SEMA3D: variants seen among roughly 807,000 people sequenced by gnomAD.
The protein encoded by SEMA3D is semaphorin 3D.
SEMA3D carries 84 observed loss-of-function variants against 100.1 expected under a neutral mutation model. That is an observed-to-expected ratio of 0.84 (90% CI 0.70 to 1.01). The LOEUF (loss-of-function observed/expected upper bound fraction) is 1.01. SEMA3D is among the 50% of genes least tolerant of loss of function. SEMA3D has a pLI of 0.00. For missense variants in SEMA3D, 875 were observed against 934.1 expected (o/e 0.94, Z 0.82); for synonymous variants, 312 against 320.7 (o/e 0.97, Z 0.29).
intron 7 of SEMA3D, among the ~76,000 whole-genome samples, chr7:85,067,894 C>T (rs1368509609): frequency 6.6e-6 from 1 of 151,916 alleles, no homozygotes; most frequent in Admixed American, 6.6e-5. Flanking sequence ...TAAGAAAATC[C>T]CCAGACATCT....
At chr7:85,083,870 G>C (rs1345791714) in intron 4 of SEMA3D, among the ~76,000 whole-genome samples, 3 of 146,778 alleles carry the variant, frequency 2.0e-5, no homozygotes, top group Non-Finnish European at 4.5e-5. Context: ...TGCATCGGCC[G>C]GGGGTGGTGG....
chr7:85,189,957 G>C (rs879545290), upstream of SEMA3D, among the ~76,000 whole-genome samples: 47 of 152,114 alleles, frequency 3.1e-4, 1 homozygote, highest in Non-Finnish European at 6.0e-4. Context: ...TATGTTGAGA[G>C]CCATGGGAGA....
chr7:85,027,855 G>A (rs888313560), intron 12 of SEMA3D: 1 of 546,010 alleles, frequency 1.8e-6, no homozygotes, highest in Admixed American at 2.1e-5. Flanking sequence ...AATTGGTATT[G>A]ATCTTGGCAC....
chr7:85,196,521 A>C, the SEMA3D span, among the ~76,000 whole-genome samples: 1 of 152,234 alleles, frequency 6.6e-6, no homozygotes, highest in African/African-American at 2.4e-5. Context: ...GTAAAAAATC[A>C]AGCCACAGAG....
At chr7:85,036,715 A>G (rs1790707029) in intron 12 of SEMA3D, among the ~76,000 whole-genome samples, 174 bp downstream of exon 12, 1 of 152,166 alleles carries the variant, frequency 6.6e-6, no homozygotes, top group Non-Finnish European at 1.5e-5. Context: ...AAAGTAACTA[A>G]AATTCTTACT....
chr7:85,193,084 A>C, the SEMA3D span, among the ~76,000 whole-genome samples: 6 of 152,290 alleles, frequency 3.9e-5, no homozygotes, highest in East Asian at 1.2e-3. Context: ...AAAAAAACTG[A>C]ACAAAATGAT....
intron 18 of SEMA3D, among the ~76,000 whole-genome samples, chr7:85,005,461 TAAC>T (rs1448123290): frequency 1.3e-5 from 2 of 152,052 alleles, no homozygotes; most frequent in Non-Finnish European, 2.9e-5. Context: ...AAATTTGACT[TAAC>T]AAAGCATGAA....
chr7:85,102,853 A>C (rs1370308078), intron 3 of SEMA3D, among the ~76,000 whole-genome samples: 1 of 152,052 alleles, frequency 6.6e-6, no homozygotes, highest in Non-Finnish European at 1.5e-5. Flanking sequence ...ATTTTCTTTC[A>C]TCATAACCAA....
chr7:85,040,121 C>A (rs1790814321), intron 11 of SEMA3D, among the ~76,000 whole-genome samples: 1 of 151,766 alleles, frequency 6.6e-6, no homozygotes, highest in African/African-American at 2.4e-5. Flanking sequence ...GGACTACAGG[C>A]ATGTGCCTCC....
rs76844385 is a variant in SEMA3D at position 85,087,429 on chromosome 7, C to T, written c.313-5850G>A. 4.9e-3 allele frequency among the ~76,000 whole-genome samples: 744 copies of T among 152,284 alleles called. 8 individuals carry two copies. Among genetic ancestry groups the T allele is most frequent in the African/African-American group, 0.017 (715 of 41,560 alleles). ...AGAGAGCTTACTGTTGCTGTCTACC[C>T]ACGTGCAGGAGACATCAGAAATCAA... On this transcript the variant is annotated intron_variant, in intron 4 of 18. Transcript: ENST00000284136.
rs556251444 is a variant in SEMA3D at position 85,033,988 on chromosome 7, T to C, written c.1191+2901A>G. On this transcript the variant is annotated intron_variant, in intron 12 of 18. Coordinates refer to ENST00000284136, the MANE Select transcript of SEMA3D (RefSeq NM_001384900.1). ...TAACTGGGAGTTATTGTAAGAACAA[T>C]GACCTTGAATTTACAGTATGATAGT... Among the ~76,000 whole-genome samples the C allele has an allele frequency of 1.8e-3, 277 of 151,938 alleles. 2 individuals are homozygous for C. The highest frequency in any genetic ancestry group is 6.3e-3 in the African/African-American group (260 of 41,434).
chr7:85,011,680 C>G (rs539840293), intron 17 of SEMA3D, among the ~76,000 whole-genome samples: 1 of 151,694 alleles, frequency 6.6e-6, no homozygotes, highest in Admixed American at 6.6e-5. Context: ...ATATGTATCG[C>G]ACAGTAATGA....
chr7:85,002,707 A>G (rs1168758289), intron 18 of SEMA3D, among the ~76,000 whole-genome samples: 3 of 152,182 alleles, frequency 2.0e-5, no homozygotes. Context: ...TTACAAATTA[A>G]AACCACGTTT....
intron 2 of SEMA3D, among the ~76,000 whole-genome samples, chr7:85,147,124 C>T (rs563735198): frequency 0.01 from 232 of 23,002 alleles, 1 homozygote; most frequent in African/African-American, 0.053. Flanking sequence ...TTTTTTGAGA[C>T]GGAGTTTTCC....
chr7:85,245,417 T>G, the SEMA3D span, among the ~76,000 whole-genome samples: 1 of 152,230 alleles, frequency 6.6e-6, no homozygotes, highest in Non-Finnish European at 1.5e-5. Flanking sequence ...ACTATATGCC[T>G]GTTTTTAAGA....
At chr7:85,010,761 C>G (rs995411275) in intron 17 of SEMA3D, among the ~76,000 whole-genome samples, 7 of 151,706 alleles carry the variant, frequency 4.6e-5, no homozygotes, top group Non-Finnish European at 1.0e-4. Flanking sequence ...TCAAGTGGAG[C>G]TCTTTAGTAG....
At chr7:85,242,595 AC>A in the SEMA3D span, among the ~76,000 whole-genome samples, 5 of 152,206 alleles carry the variant, frequency 3.3e-5, no homozygotes, top group African/African-American at 1.2e-4. Flanking sequence ...CTACTGATTT[AC>A]TGCTTGCTGG....
chr7:85,163,902 C>A (rs1790817457), intron 1 of SEMA3D, among the ~76,000 whole-genome samples: 1 of 152,044 alleles, frequency 6.6e-6, no homozygotes, highest in African/African-American at 2.4e-5. Context: ...GTTACAGACT[C>A]CCATTCTAAC....
In SEMA3D at chr7:85,091,121, G is replaced by A. The variant is rs189930573; in HGVS notation, c.312+6684C>T. 4.1e-3 allele frequency among the ~76,000 whole-genome samples: 587 copies of A among 141,670 alleles called. 5 individuals are homozygous for A. The highest frequency in any genetic ancestry group is 0.015 in the African/African-American group (573 of 38,006). The allele number at this position is 141,670 out of a possible 152,430, so 92.9% of individuals were successfully genotyped here. On this transcript the variant is annotated intron_variant, in intron 4 of 18. Coordinates refer to ENST00000284136, the MANE Select transcript of SEMA3D (RefSeq NM_001384900.1). ...GGGAGAGAGGGAGGGAGGGAAAGAAGGAAGGAAGGAGGGAAGGAAGGAAGG... is the reference window on the plus strand; with the variant it reads ...GGGAGAGAGGGAGGGAGGGAAAGAAAGAAGGAAGGAGGGAAGGAAGGAAGG...
Sources: gnomAD v4.1 joint callset for allele counts (sites outside exome capture counted in the v4.1 genomes callset) on GRCh38, gnomAD v4.1.1 for gene constraint, MANE v1.5 for transcripts, NCBI Gene and HGNC (gene_info 2026-07-23, HGNC 2026-07-21) for gene names.